The following CMIP variants were observed in gnomAD, a reference collection of about 807,000 sequenced individuals.
CMIP encodes the protein c-Maf inducing protein.
In CMIP, 13 loss-of-function variants were observed where a neutral mutation model predicts 97.3. The ratio of observed to expected loss-of-function variants is 0.13; its 90% confidence interval spans 0.09 to 0.21. The LOEUF is 0.21. Among genes scored for constraint, CMIP ranks in the 10% least tolerant of loss-of-function variants. The pLI is 1.00. For missense variants in CMIP, 847 were observed against 1,024.9 expected (o/e 0.83, Z 2.37); for synonymous variants, 538 against 436.3 (o/e 1.23, Z -2.91).
chr16:81,610,990 C>T (rs1471441989), intron 2 of CMIP, among the ~76,000 whole-genome samples: 1 of 152,132 alleles, frequency 6.6e-6, no homozygotes, highest in African/African-American at 2.4e-5. Flanking sequence ...GCCAGGTGCC[C>T]ATCTGAACGG....
chr16:81,461,973 C>T (rs1406662909), intron 1 of CMIP, among the ~76,000 whole-genome samples: 3 of 152,252 alleles, frequency 2.0e-5, no homozygotes, highest in Non-Finnish European at 4.4e-5. Flanking sequence ...GCTGGCTGCC[C>T]TCATAAAGAT....
At chr16:81,574,229 A>G (rs1049755544) in intron 1 of CMIP, among the ~76,000 whole-genome samples, 1 of 152,184 alleles carries the variant, frequency 6.6e-6, no homozygotes, top group Non-Finnish European at 1.5e-5. Context: ...CACCTGCCCT[A>G]CTTCCCTCAC....
In CMIP at chr16:81,643,969, C is replaced by T. The variant is rs1010108582; in HGVS notation, c.478-8234C>T. On this transcript the variant is annotated intron_variant, in intron 3 of 20. Transcript: ENST00000537098. The stretch of plus-strand genomic sequence containing the variant: ...ACTGGTAAAGCCCCTGTGTGATTCC[C>T]GGAGGCACTAGGGTTGTCCCTACCA... 7.2e-5 allele frequency among the ~76,000 whole-genome samples: 11 copies of T among 152,114 alleles called. No homozygotes were observed. The East Asian group carries it at 9.6e-4, about 13-fold the overall frequency.
At chr16:81,518,917 A>T (rs922244927) in intron 1 of CMIP, 1 of 150,150 alleles carries the variant, frequency 6.7e-6, no homozygotes, top group Non-Finnish European at 1.5e-5. Flanking sequence ...ACTGACTGCA[A>T]CCTCCGCCTC....
chr16:81,645,300 C>T (rs981068638), intron 3 of CMIP: 28 of 1,134,490 alleles, frequency 2.5e-5, no homozygotes, highest in African/African-American at 7.9e-5. Context: ...GTGCCATGGG[C>T]GCGCCCGTGC....
intron 1 of CMIP, among the ~76,000 whole-genome samples, chr16:81,526,864 C>T (rs2090143177): frequency 6.6e-6 from 1 of 152,216 alleles, no homozygotes; most frequent in East Asian, 1.9e-4. Context: ...CCCTGAGCCT[C>T]TCTCTACCCA....
chr16:81,546,826 A>G (rs1316047734), intron 1 of CMIP, among the ~76,000 whole-genome samples: 2 of 152,228 alleles, frequency 1.3e-5, no homozygotes, highest in Non-Finnish European at 2.9e-5. Flanking sequence ...TTTACATTGA[A>G]TTAAAATTAG....
At chr16:81,525,517 T>TA (rs1009438448) in intron 1 of CMIP, among the ~76,000 whole-genome samples, 3 of 152,198 alleles carry the variant, frequency 2.0e-5, no homozygotes, top group African/African-American at 7.2e-5. Context: ...TTTTAAATCT[T>TA]AAAAAACATT....
intron 1 of CMIP, among the ~76,000 whole-genome samples, chr16:81,460,068 A>T (rs140225161): frequency 6.6e-6 from 1 of 152,074 alleles, no homozygotes; most frequent in Non-Finnish European, 1.5e-5. Context: ...AGGCCTCACC[A>T]TGGAGGCTCT....
intron 1 of CMIP, among the ~76,000 whole-genome samples, chr16:81,577,359 A>G (rs1454845781): frequency 6.0e-5 from 9 of 149,018 alleles, no homozygotes; most frequent in Non-Finnish European, 1.0e-4. Flanking sequence ...CACCATCACC[A>G]CCATCATAAC....
chr16:81,697,891 A>T (rs1037687591), intron 14 of CMIP: 7 of 152,122 alleles, frequency 4.6e-5, no homozygotes, highest in African/African-American at 1.2e-4. Context: ...ATCTAGGAAC[A>T]TGCCTGCCCC....
chr16:81,457,980 G>A (rs1395897144), intron 1 of CMIP, among the ~76,000 whole-genome samples: 6 of 152,236 alleles, frequency 3.9e-5, no homozygotes, highest in Non-Finnish European at 5.9e-5. Flanking sequence ...TCGCCCTGAT[G>A]ACTCAGGACT....
chr16:81,479,486 A>G (rs1908129236), intron 1 of CMIP, among the ~76,000 whole-genome samples: 1 of 152,130 alleles, frequency 6.6e-6, no homozygotes, highest in African/African-American at 2.4e-5. Context: ...AACTGTCCCC[A>G]TTAAATGTTA....
chr16:81,483,744 C>T (rs2089270484), intron 1 of CMIP, among the ~76,000 whole-genome samples: 1 of 152,198 alleles, frequency 6.6e-6, no homozygotes, highest in Non-Finnish European at 1.5e-5. Flanking sequence ...TCCAGCTATC[C>T]TCAGTGTTGG....
chr16:81,531,595 G>A (rs750700799), intron 1 of CMIP, among the ~76,000 whole-genome samples: 2 of 152,226 alleles, frequency 1.3e-5, no homozygotes, highest in Non-Finnish European at 2.9e-5. Context: ...TCTCTGTGAC[G>A]TGCTCACATG....
intron 1 of CMIP, among the ~76,000 whole-genome samples, chr16:81,567,646 C>G (rs2091006106): frequency 6.6e-6 from 1 of 152,208 alleles, no homozygotes; most frequent in Non-Finnish European, 1.5e-5. Flanking sequence ...CTGAAAGTCC[C>G]TTTCCCTCTC....
intron 1 of CMIP, among the ~76,000 whole-genome samples, chr16:81,541,308 A>G (rs2090445049): frequency 6.6e-6 from 1 of 152,238 alleles, no homozygotes; most frequent in Non-Finnish European, 1.5e-5. Flanking sequence ...CCTGTCATAT[A>G]GATCTTTCTG....
intron 1 of CMIP, among the ~76,000 whole-genome samples, chr16:81,542,236 G>A (rs1026710370): frequency 2.6e-5 from 4 of 152,276 alleles, no homozygotes; most frequent in South Asian, 2.1e-4. Context: ...ACTCCTAGGC[G>A]GGGAGCTCTG....
At chr16:81,637,361 C>T (rs1055162324) in intron 3 of CMIP, among the ~76,000 whole-genome samples, 8 of 152,184 alleles carry the variant, frequency 5.3e-5, no homozygotes, top group Admixed American at 2.0e-4. Context: ...GTGTGAGCCA[C>T]GGTGCCCAGC....
Sources: gnomAD v4.1 joint callset for allele counts (sites outside exome capture counted in the v4.1 genomes callset) on GRCh38, gnomAD v4.1.1 for gene constraint, MANE v1.5 for transcripts, NCBI Gene and HGNC (gene_info 2026-07-23, HGNC 2026-07-21) for gene names.